Variants in MTUS2 observed in about 807,000 individuals in gnomAD.
The protein encoded by MTUS2 is microtubule associated scaffold protein 2, also known as microtubule-associated tumor suppressor candidate 2.
Under a neutral mutation model 114.1 loss-of-function variants are expected in MTUS2, and 40 were observed. That is an observed-to-expected ratio of 0.35 (90% CI 0.27 to 0.46). The LOEUF is 0.46. Among genes scored for constraint, MTUS2 ranks in the 20% least tolerant of loss-of-function variants. The pLI is 1.00. For synonymous variants in MTUS2, 688 were observed against 672.0 expected (o/e 1.02, Z -0.37); for missense variants, 1,679 against 1,705.4 (o/e 0.98, Z 0.27).
At chr13:28,952,741 G>A (rs187124187) in intron 2 of MTUS2, among the ~76,000 whole-genome samples, 96 of 152,248 alleles carry the variant, frequency 6.3e-4, no homozygotes, top group Middle Eastern at 3.4e-3. Context: ...ACAAAACTTC[G>A]TAGAAGCATC....
intron 4 of MTUS2, among the ~76,000 whole-genome samples, chr13:29,067,965 C>T (rs1017352927): frequency 6.6e-6 from 1 of 152,198 alleles, no homozygotes; most frequent in Non-Finnish European, 1.5e-5. Flanking sequence ...TGATTGGCAT[C>T]ACCTCAGTGC....
chr13:29,261,488 C>T (rs1291264719), intron 5 of MTUS2, among the ~76,000 whole-genome samples: 2 of 152,116 alleles, frequency 1.3e-5, no homozygotes, highest in African/African-American at 4.8e-5. Context: ...TGTAATAATC[C>T]ACAAGTCCCT....
chr13:29,017,498 C>G (rs1175662407), intron 2 of MTUS2, among the ~76,000 whole-genome samples: 1 of 152,176 alleles, frequency 6.6e-6, no homozygotes, highest in Non-Finnish European at 1.5e-5. Context: ...ACCCATGCCT[C>G]CTTTTAATAA....
intron 5 of MTUS2, among the ~76,000 whole-genome samples, chr13:29,172,188 C>G (rs1160467472): frequency 2.0e-5 from 3 of 152,222 alleles, no homozygotes; most frequent in Non-Finnish European, 4.4e-5. Flanking sequence ...ACTGACTCCC[C>G]ATGTGACATT....
chr13:29,125,335 G>A (rs1332892341), intron 5 of MTUS2, among the ~76,000 whole-genome samples: 1 of 152,144 alleles, frequency 6.6e-6, no homozygotes, highest in Non-Finnish European at 1.5e-5. Flanking sequence ...AACTTCTTGA[G>A]CAGCTTCCTT....
At chr13:28,950,096 A>G (rs1003298774) in intron 2 of MTUS2, among the ~76,000 whole-genome samples, 1 of 152,182 alleles carries the variant, frequency 6.6e-6, no homozygotes, top group Non-Finnish European at 1.5e-5. Flanking sequence ...CAATTTTTCC[A>G]CATCCTTGCC....
At chr13:29,185,240 G>A (rs1343857183) in intron 5 of MTUS2, among the ~76,000 whole-genome samples, 1 of 151,968 alleles carries the variant, frequency 6.6e-6, no homozygotes, top group Non-Finnish European at 1.5e-5. Flanking sequence ...TTGAAAAAAC[G>A]CAAAGAAGAA....
At chr13:29,423,204 T>C (rs1490785432) in intron 8 of MTUS2, among the ~76,000 whole-genome samples, 5 of 152,226 alleles carry the variant, frequency 3.3e-5, no homozygotes, top group African/African-American at 1.2e-4. Context: ...CTTCTCAGCC[T>C]AGCCCAAGGC....
rs141363558 is a variant in MTUS2, at chr13:29,046,885, C to T, written c.2446+12760C>T. ...CCCCTTTCCTCTCCACTTTCTTTTA[C>T]GTGCCCACCTTATCTAAAAAAATCA... On this transcript the variant is annotated intron_variant, in intron 4 of 15. Transcript: ENST00000612955. Among the ~76,000 whole-genome samples, 83 of 152,244 alleles carry T rather than the reference C, an allele frequency of 5.5e-4. 1 individual carries two copies. In the East Asian group the frequency reaches 0.014, roughly 26 times the overall value.
intron 8 of MTUS2, among the ~76,000 whole-genome samples, chr13:29,390,261 G>A (rs1233970564): frequency 2.0e-5 from 3 of 151,706 alleles, no homozygotes; most frequent in Non-Finnish European, 4.4e-5. Context: ...ATTATTTATA[G>A]GATCAGGAGT....
chr13:29,471,742 G>GCCCCCAC (rs1555283284), intron 9 of MTUS2, among the ~76,000 whole-genome samples: 1 of 131,602 alleles, frequency 7.6e-6, no homozygotes, highest in Admixed American at 7.4e-5. Flanking sequence ...TGCAGGCCCA[G>GCCCCCAC]CCCCCCCCGA....
At chr13:29,406,191 T>A (rs1356310069) in intron 8 of MTUS2, among the ~76,000 whole-genome samples, 3 of 152,186 alleles carry the variant, frequency 2.0e-5, no homozygotes, top group African/African-American at 7.2e-5. Context: ...TACCCTGTCT[T>A]AGTTATCTAT....
intron 5 of MTUS2, among the ~76,000 whole-genome samples, chr13:29,194,075 C>A (rs2139205778): frequency 6.6e-6 from 1 of 150,926 alleles, no homozygotes; most frequent in South Asian, 2.1e-4. Context: ...CTTCCTTACA[C>A]CTTATACAAA....
chr13:29,478,755 A>T (rs916351355), intron 9 of MTUS2, among the ~76,000 whole-genome samples: 11 of 152,162 alleles, frequency 7.2e-5, no homozygotes, highest in Non-Finnish European at 2.9e-5. Flanking sequence ...TTGGGAGATC[A>T]GAGTCCTCCA....
intron 4 of MTUS2, among the ~76,000 whole-genome samples, chr13:29,062,251 G>T (rs1256016608): frequency 6.6e-6 from 1 of 152,186 alleles, no homozygotes; most frequent in Non-Finnish European, 1.5e-5. Flanking sequence ...CTCCCAAAGT[G>T]CTGGGATTAC....
intron 2 of MTUS2, among the ~76,000 whole-genome samples, chr13:28,920,374 G>A (rs560330405): frequency 1.3e-5 from 2 of 152,192 alleles, no homozygotes; most frequent in African/African-American, 2.4e-5. Flanking sequence ...TGGATTCCAG[G>A]CAGAGTCTTG....
chr13:29,369,283 A>G (rs1871004650), intron 8 of MTUS2, among the ~76,000 whole-genome samples: 1 of 152,150 alleles, frequency 6.6e-6, no homozygotes, highest in Admixed American at 6.5e-5. Flanking sequence ...CCGTTCTTCT[A>G]CCCTGTGAGG....
chr13:28,986,017 G>A (rs1884568914), intron 2 of MTUS2, among the ~76,000 whole-genome samples: 2 of 152,146 alleles, frequency 1.3e-5, no homozygotes, highest in Non-Finnish European at 2.9e-5. Context: ...GAGCTCTGAT[G>A]AATGGACCTC....
At chr13:28,992,563 G>A (rs148737846) in intron 2 of MTUS2, among the ~76,000 whole-genome samples, 1 of 152,174 alleles carries the variant, frequency 6.6e-6, no homozygotes, top group East Asian at 1.9e-4. Context: ...TTCCAGGAAG[G>A]TACTATTGAC....
Sources: gnomAD v4.1 joint callset for allele counts (sites outside exome capture counted in the v4.1 genomes callset) on GRCh38, gnomAD v4.1.1 for gene constraint, MANE v1.5 for transcripts, NCBI Gene and HGNC (gene_info 2026-07-23, HGNC 2026-07-21) for gene names.